Variants in TPTE observed in about 807,000 individuals in gnomAD.
TPTE encodes the protein transmembrane phosphatase with tensin homology.
A neutral mutation model predicts 84.1 loss-of-function variants in TPTE; 59 were observed. The ratio of observed to expected loss-of-function variants is 0.70; its 90% CI spans 0.57 to 0.87. TPTE has a LOEUF of 0.87. TPTE is among the 40% of genes least tolerant of loss of function. TPTE has a pLI of 0.00. For missense variants in TPTE, 382 were observed against 659.6 expected (o/e 0.58, Z 4.61); for synonymous variants, 130 against 223.5 (o/e 0.58, Z 3.73).
intron 9 of TPTE, among the ~76,000 whole-genome samples, chr21:10,560,417 A>G (rs1389912871): frequency 1.3e-5 from 2 of 152,310 alleles, no homozygotes; most frequent in East Asian, 1.9e-4. Flanking sequence ...AGACTAGGCA[A>G]ATAGTCTAAT....
intron 17 of TPTE, among the ~76,000 whole-genome samples, chr21:10,583,505 G>T (rs1262298912): frequency 1.3e-5 from 2 of 152,306 alleles, no homozygotes; most frequent in Non-Finnish European, 2.9e-5. Flanking sequence ...TGTATTTCAA[G>T]AAAGCTTTTC....
intron 7 of TPTE, among the ~76,000 whole-genome samples, chr21:10,546,100 C>T (rs1427661176): frequency 2.0e-5 from 3 of 152,306 alleles, no homozygotes; most frequent in South Asian, 4.1e-4. Flanking sequence ...AGCAACCCTA[C>T]ATTGAGCAAG....
At chr21:10,595,916 A>AAAG in intron 19 of TPTE, 66 bp from the exon 20 acceptor site, 1 of 1,582,678 alleles carries the variant, frequency 6.3e-7, no homozygotes, top group Non-Finnish European at 8.6e-7. Context: ...ATGCAAAAAA[A>AAAG]AAAAAAGGAA....
intron 1 of TPTE, among the ~76,000 whole-genome samples, chr21:10,522,055 C>T (rs1406394031): frequency 1.3e-5 from 2 of 152,022 alleles, no homozygotes; most frequent in Non-Finnish European, 2.9e-5. Context: ...GTAAAGGGGG[C>T]GCGCCCCCCG....
chr21:10,540,117 G>T (rs1306617015), intron 4 of TPTE, among the ~76,000 whole-genome samples: 1 of 152,312 alleles, frequency 6.6e-6, no homozygotes, highest in Non-Finnish European at 1.5e-5. Context: ...TGTTGTCTTA[G>T]TATGTACATG....
At chr21:10,527,151 T>TCACACACACA (rs1160648422) in intron 2 of TPTE, among the ~76,000 whole-genome samples, 20 of 148,254 alleles carry the variant, frequency 1.3e-4, no homozygotes, top group African/African-American at 4.9e-4. Context: ...TCTCTCTCTC[T>TCACACACACA]CTCTCTCACA....
At chr21:10,560,592 A>G (rs982966441) in intron 9 of TPTE, among the ~76,000 whole-genome samples, 1 of 152,306 alleles carries the variant, frequency 6.6e-6, no homozygotes, top group Non-Finnish European at 1.5e-5. Context: ...TTAAGAGCTT[A>G]TGTTACTCAT....
chr21:10,522,337 C>G (rs1270336299), intron 1 of TPTE, among the ~76,000 whole-genome samples: 6 of 151,462 alleles, frequency 4.0e-5, no homozygotes, highest in African/African-American at 1.5e-4. Flanking sequence ...CCTGAGTCTC[C>G]GCCGGGAGCG....
At chr21:10,557,776 C>T (rs370868619) in intron 8 of TPTE, among the ~76,000 whole-genome samples, 28 of 152,386 alleles carry the variant, frequency 1.8e-4, no homozygotes, top group African/African-American at 4.8e-4. Flanking sequence ...TGGTGGTACA[C>T]GTGAGGTTTG....
chr21:10,592,805 G>GTTGT (rs1555820855), intron 19 of TPTE, among the ~76,000 whole-genome samples: 1 of 148,852 alleles, frequency 6.7e-6, no homozygotes, highest in Non-Finnish European at 1.5e-5. Context: ...GATGACTCCT[G>GTTGT]GTGTGTGTGT....
intron 10 of TPTE, among the ~76,000 whole-genome samples, chr21:10,565,071 C>G (rs564376308): frequency 3.9e-5 from 6 of 152,308 alleles, no homozygotes; most frequent in Non-Finnish European, 8.8e-5. Context: ...GTAAAATTAT[C>G]CCTGTGTTTG....
At chr21:10,549,857 A>C (rs1317049338) in intron 7 of TPTE, among the ~76,000 whole-genome samples, 3 of 152,164 alleles carry the variant, frequency 2.0e-5, no homozygotes, top group African/African-American at 7.3e-5. Flanking sequence ...AAATACATTC[A>C]ACCCAGACAT....
At chr21:10,605,383 A>T in intron 23 of TPTE, 34 bp from the exon 24 acceptor site, 1 of 1,607,968 alleles carries the variant, frequency 6.2e-7, no homozygotes, top group African/African-American at 1.3e-5. Context: ...AGTGAGCCCC[A>T]ATATAAAATG....
rs1346525259 is a variant in TPTE at position 10,536,518 on chromosome 21, A to C, written c.-43-2163A>C. 3.3e-5 allele frequency among the ~76,000 whole-genome samples: 5 copies of C among 152,424 alleles called. No homozygotes were observed. In the East Asian group the frequency reaches 9.6e-4, roughly 29 times the overall value. ...AATATATATACACAAATATTTAAAG[A>C]AATATATATGCAGATATACATACTT... On this transcript the variant is annotated intron_variant, in intron 3 of 23. Coordinates refer to ENST00000618007, the MANE Select transcript of TPTE (RefSeq NM_199261.4).
rs1214609845 is a variant in TPTE, at chr21:10,523,626, CTCA to C, written c.-210-949_-210-947del. Among the ~76,000 whole-genome samples, 23 of 152,396 alleles carry C rather than the reference CTCA, an allele frequency of 1.5e-4. No individual in the cohort carries two copies. The East Asian group carries it at 2.9e-3, about 19-fold the overall frequency. On this transcript the variant is annotated intron_variant, in intron 1 of 23. Coordinates refer to ENST00000618007, the MANE Select transcript of TPTE (RefSeq NM_199261.4). ...TCCATGTCCCTACAAAGGACATGAA[CTCA>C]TCATTTTTTATGGCTGCATAGTATT...
intron 21 of TPTE, among the ~76,000 whole-genome samples, chr21:10,600,752 CTT>C (rs1290146921): frequency 6.6e-6 from 1 of 152,312 alleles, no homozygotes; most frequent in Non-Finnish European, 1.5e-5. Flanking sequence ...TAGTATAGAC[CTT>C]TCTTATTGTG....
At position 10,538,667 on chromosome 21, in the gene TPTE, T is replaced by C. The variant is rs1322342736; in HGVS notation, c.-43-14T>C. On this transcript the variant is annotated splice_polypyrimidine_tract_variant and intron_variant, in intron 3 of 23. Coordinates refer to ENST00000618007, the MANE Select transcript of TPTE (RefSeq NM_199261.4). ...GTGTCTCCTGTCTGACTATATTCTT[T>C]TGACATCCTCTAGTCCACCCACAAA... 2.5e-6 allele frequency: 4 copies of C among 1,613,918 alleles called. No homozygotes were observed. The highest frequency in any genetic ancestry group is 1.7e-5 in the Admixed American group (1 of 60,008).
intron 3 of TPTE, among the ~76,000 whole-genome samples, chr21:10,528,409 A>T (rs1226681581): frequency 6.6e-6 from 1 of 152,304 alleles, no homozygotes. Context: ...CTGGACACTG[A>T]TTCTAAAATT....
chr21:10,532,225 A>G (rs1271499370), intron 3 of TPTE, among the ~76,000 whole-genome samples: 1 of 152,298 alleles, frequency 6.6e-6, no homozygotes, highest in Non-Finnish European at 1.5e-5. Flanking sequence ...ATATAAATAT[A>G]TTTTCTTGCA....
Sources: gnomAD v4.1 joint callset for allele counts (sites outside exome capture counted in the v4.1 genomes callset) on GRCh38, gnomAD v4.1.1 for gene constraint, MANE v1.5 for transcripts, NCBI Gene and HGNC (gene_info 2026-07-23, HGNC 2026-07-21) for gene names.